Variants in MYCBP2 observed in about 807,000 individuals in gnomAD.
The protein encoded by MYCBP2 is MYC binding protein 2, also known as E3 ubiquitin-protein ligase MYCBP2.
Under a neutral mutation model 525.3 loss-of-function variants are expected in MYCBP2, and 120 were observed. That is an observed-to-expected ratio of 0.23 (90% CI 0.20 to 0.27). MYCBP2 has a LOEUF of 0.27. Among genes scored for constraint, MYCBP2 ranks in the 10% least tolerant of loss-of-function variants. The pLI is 1.00. For synonymous variants in MYCBP2, 1,894 were observed against 1,955.8 expected (o/e 0.97, Z 0.83); for missense variants, 4,149 against 5,657.1 (o/e 0.73, Z 8.55).
chr13:77,096,035 AACAG>A (rs1421111065), intron 57 of MYCBP2, among the ~76,000 whole-genome samples: 1 of 152,172 alleles, frequency 6.6e-6, no homozygotes, highest in Non-Finnish European at 1.5e-5. Flanking sequence ...TAGAGAGAAT[AACAG>A]ACAATTAATA....
At chr13:77,276,204 AT>A (rs2075560765) in intron 4 of MYCBP2, among the ~76,000 whole-genome samples, 1 of 152,220 alleles carries the variant, frequency 6.6e-6, no homozygotes, top group South Asian at 2.1e-4. Context: ...AAGGAAATAT[AT>A]TTTTAAATAG....
At chr13:77,301,142 C>T (rs1441115959) in intron 1 of MYCBP2, among the ~76,000 whole-genome samples, 3 of 151,622 alleles carry the variant, frequency 2.0e-5, no homozygotes, top group Admixed American at 6.6e-5. Context: ...AGGCTGGGCG[C>T]GGTGGCTCAC....
At chr13:77,197,935 C>A (rs2061933144) in intron 26 of MYCBP2, among the ~76,000 whole-genome samples, 1 of 151,928 alleles carries the variant, frequency 6.6e-6, no homozygotes, top group Admixed American at 6.6e-5. Flanking sequence ...AATATAAAAA[C>A]AACATATATG....
chr13:77,315,911 A>T (rs905721063), intron 1 of MYCBP2, among the ~76,000 whole-genome samples: 7 of 151,196 alleles, frequency 4.6e-5, no homozygotes, highest in Non-Finnish European at 1.0e-4. Context: ...AAAAAAAAAA[A>T]AAATTAAAAT....
At chr13:77,196,100 A>G (rs2061729030) in intron 26 of MYCBP2, among the ~76,000 whole-genome samples, 1 of 152,176 alleles carries the variant, frequency 6.6e-6, no homozygotes, top group Non-Finnish European at 1.5e-5. Context: ...GAAGCTCTGA[A>G]GGTGATGGGG....
chr13:77,114,993 CA>C (rs1475950787), intron 55 of MYCBP2, among the ~76,000 whole-genome samples: 1 of 151,922 alleles, frequency 6.6e-6, no homozygotes, highest in African/African-American at 2.4e-5. Context: ...TATAAACCCA[CA>C]ATTATCATAC....
chr13:77,060,338 T>C (rs1053231794), intron 76 of MYCBP2, among the ~76,000 whole-genome samples: 1 of 152,244 alleles, frequency 6.6e-6, no homozygotes, highest in Non-Finnish European at 1.5e-5. Flanking sequence ...CATTAGAACA[T>C]TTATTAATGC....
Position 77,098,619 on chromosome 13 carries a change from T to C in MYCBP2, c.8535A>G (p.Pro2845=). The change falls in exon 56 of 83, where the codon CCA becomes CCG. Residue 2845 remains proline (P), a synonymous_variant. Transcript: ENST00000544440. ...TTTTTTGAGGTAGATTTTTATCATG[T>C]GGTGAGGAGGAGCGTGGAGAACTAG... The part of the protein sequence containing the change: ...SGASSPRSSS[P]HDKNLPQKST... 4 of 1,613,576 alleles carry C rather than the reference T, an allele frequency of 2.5e-6. No individual in the cohort carries two copies. Among genetic ancestry groups the C allele is most frequent in the Non-Finnish European group, 3.4e-6 (4 of 1,179,746 alleles).
intron 38 of MYCBP2, 97 bp from the exon 39 acceptor site, chr13:77,169,811 G>A (rs2058963690): frequency 9.4e-7 from 1 of 1,062,026 alleles, no homozygotes; most frequent in Admixed American, 2.2e-5. Context: ...GCTCTTTTGA[G>A]CGAAACTATA....
At chr13:77,168,929 C>T (rs1477470169) in intron 39 of MYCBP2, among the ~76,000 whole-genome samples, 1 of 152,152 alleles carries the variant, frequency 6.6e-6, no homozygotes, top group East Asian at 1.9e-4. Context: ...TTTATCATTT[C>T]TTCCATCTCT....
chr13:77,192,358 A>G (rs990239878), intron 27 of MYCBP2, among the ~76,000 whole-genome samples: 7 of 152,236 alleles, frequency 4.6e-5, no homozygotes, highest in Non-Finnish European at 1.0e-4. Flanking sequence ...GTCCTTTAGA[A>G]TGAATTAAGT....
In MYCBP2 at chr13:77,181,918, A is replaced by G; in HGVS notation, c.4724T>C (p.Ile1575Thr). ...TGATGTCTTGAAGTTTGCTTCTTGG[A>G]TATCCTTTTAAAAACAAAAATATGG... ...CDLLNCLDQD[I>T]QEANFKTSSS... Residue 1575 changes from isoleucine to threonine, a missense_variant, in exon 33 of 83, where the codon ATC (isoleucine) becomes ACC (threonine). Physicochemically the swap from Ile to Thr is moderately conservative, Grantham distance 89. Coordinates refer to ENST00000544440, the MANE Select transcript of MYCBP2 (RefSeq NM_015057.5). The G allele has an allele frequency of 8.1e-6, 13 of 1,612,852 alleles. No individual in the cohort carries two copies. Among genetic ancestry groups the G allele is most frequent in the Non-Finnish European group, 8.5e-6 (10 of 1,179,780 alleles).
Position 77,260,466 on chromosome 13 carries a change from T to A in MYCBP2, c.1979A>T (p.Tyr660Phe). Reference protein sequence around the residue: ...SSVISKDGELYMFGKDAIYSD... With the variant: ...SSVISKDGELFMFGKDAIYSD... The stretch of plus-strand genomic sequence containing the variant: ...GTAAATGGCATCTTTTCCAAACATG[T>A]AGAGTTCTCCATCTTTAGAAATAAC... The change falls in exon 13 of 83, where the codon TAC becomes TTC. Residue 660 changes from tyrosine (Y) to phenylalanine (F), a missense_variant. This residue lies in a region of MYCBP2 where 262 missense variants were observed against 419.3 expected (regional missense o/e 0.62). Transcript: ENST00000544440. 2 of 1,608,068 alleles carry A rather than the reference T, an allele frequency of 1.2e-6. No individual in the cohort carries two copies. The highest frequency in any genetic ancestry group is 1.7e-6 in the Non-Finnish European group (2 of 1,178,166).
At position 77,225,427 on chromosome 13, in the gene MYCBP2, G is replaced by A. The variant is rs768145694; in HGVS notation, c.2857+8C>T. 26 of 1,613,440 alleles carry A rather than the reference G, an allele frequency of 1.6e-5. No individual in the cohort carries two copies. In the South Asian group the frequency reaches 2.9e-4, roughly 18 times the overall value. On this transcript the variant is annotated splice_region_variant and intron_variant, in intron 19 of 82. Transcript: ENST00000544440. ...AACGCAGTTATACCCTAAAGTTCCA[G>A]CCGCTACCTGAATGGTGAAATCCAC...
chr13:77,200,407 T>C (rs1465672177), intron 26 of MYCBP2, among the ~76,000 whole-genome samples: 1 of 151,894 alleles, frequency 6.6e-6, no homozygotes, highest in Non-Finnish European at 1.5e-5. Flanking sequence ...AGACCAAATC[T>C]ACGTCTGATT....
intron 18 of MYCBP2, among the ~76,000 whole-genome samples, chr13:77,226,632 G>A (rs923281519): frequency 1.3e-5 from 2 of 152,116 alleles, no homozygotes; most frequent in Non-Finnish European, 2.9e-5. Context: ...TTTTCATTGT[G>A]CATTTTAGAA....
chr13:77,230,515 G>A (rs1471897637), intron 18 of MYCBP2, among the ~76,000 whole-genome samples: 1 of 152,154 alleles, frequency 6.6e-6, no homozygotes, highest in Non-Finnish European at 1.5e-5. Flanking sequence ...TTCAAATTTT[G>A]GAATATTTGC....
chr13:77,306,263 A>G lies in MYCBP2; in HGVS notation c.303-9589T>C, dbSNP rs538860665. 2.0e-5 allele frequency among the ~76,000 whole-genome samples: 3 copies of G among 152,306 alleles called. No individual in the cohort carries two copies. In the East Asian group the frequency reaches 5.8e-4, roughly 29 times the overall value. ...CATAGAAGCCAGATTCATTCTGTGT[A>G]ATTAATGTAATGATACTCCTATCAT... On this transcript the variant is annotated intron_variant, in intron 1 of 82. Transcript: ENST00000544440.
intron 1 of MYCBP2, among the ~76,000 whole-genome samples, chr13:77,307,956 A>G (rs1379534884): frequency 6.6e-6 from 1 of 152,084 alleles, no homozygotes; most frequent in Non-Finnish European, 1.5e-5. Context: ...TCTTTACTAC[A>G]TATATCACTT....
Sources: gnomAD v4.1 joint callset for allele counts (sites outside exome capture counted in the v4.1 genomes callset) on GRCh38, gnomAD v4.1.1 for gene constraint, gnomAD v4.1.1 regional missense constraint, MANE v1.5 for transcripts, NCBI Gene and HGNC (gene_info 2026-07-23, HGNC 2026-07-21) for gene names.